PKHD1L1: variants seen among roughly 807,000 people sequenced by gnomAD.
The protein encoded by PKHD1L1 is fibrocystin-L.
A neutral mutation model predicts 462.9 loss-of-function variants in PKHD1L1; 434 were observed. The ratio of observed to expected loss-of-function variants is 0.94; its 90% CI spans 0.87 to 1.02. PKHD1L1 has a LOEUF of 1.02. Ranked by LOEUF, PKHD1L1 falls within the 50% of genes least tolerant of loss-of-function variation. PKHD1L1 has a pLI of 0.00. For synonymous variants in PKHD1L1, 1,781 were observed against 1,750.0 expected, an observed-to-expected ratio of 1.02 and a Z score of -0.44; for missense variants, 5,202 against 5,096.1, an observed-to-expected ratio of 1.02 and a Z score of -0.63.
intron 2 of PKHD1L1, among the ~76,000 whole-genome samples, chr8:109,375,951 G>A (rs535419459): frequency 1.3e-5 from 2 of 152,320 alleles, no homozygotes; most frequent in South Asian, 4.1e-4. Context: ...AGGGGTCATG[G>A]ACCCACTTGA....
At chr8:109,399,926 C>A (rs1001457158) in intron 12 of PKHD1L1, 150 bp from the exon 13 acceptor site, 5 of 760,814 alleles carry the variant, frequency 6.6e-6, no homozygotes, top group African/African-American at 1.8e-5. Context: ...GCTGCAGATA[C>A]GTGTAGGGGA....
rs201007932 is a variant in PKHD1L1 at position 109,422,501 on chromosome 8, A to AT, written c.2697+1818dup. ...AAATACATAGCTTTTGTATACTGGCATTTTTTTAACTCAGCATAATTCCCT... is the reference window on the plus strand; with the variant it reads ...AAATACATAGCTTTTGTATACTGGCATTTTTTTTAACTCAGCATAATTCCCT... On this transcript the variant is annotated intron_variant, in intron 23 of 77. Coordinates refer to ENST00000378402, the MANE Select transcript of PKHD1L1 (RefSeq NM_177531.6). Among the ~76,000 whole-genome samples, 1,406 of 152,218 alleles carry AT rather than the reference A, an allele frequency of 9.2e-3. 10 individuals are homozygous for AT. The highest frequency in any genetic ancestry group is 0.014 in the Non-Finnish European group (944 of 67,994).
intron 61 of PKHD1L1, 22 bp from the exon 62 acceptor site, chr8:109,491,851 C>A: frequency 1.3e-6 from 2 of 1,529,744 alleles, no homozygotes; most frequent in Non-Finnish European, 1.8e-6. Flanking sequence ...GATTTTCTTT[C>A]TTTTTTTCTT....
chr8:109,435,336 G>A lies in PKHD1L1; in HGVS notation c.3487G>A (p.Asp1163Asn), dbSNP rs1229740011. 1 of 1,611,768 alleles carries A rather than the reference G, an allele frequency of 6.2e-7. No individual in the cohort carries two copies. The highest frequency in any genetic ancestry group is 8.5e-7 in the Non-Finnish European group (1 of 1,178,976). The change falls in exon 29 of 78, where the codon GAT becomes AAT. Residue 1163 changes from aspartate (D) to asparagine (N), a missense_variant. This residue lies in a region of PKHD1L1 where 4,497 missense variants were observed against 4,336.8 expected (regional missense o/e 1.04). Transcript: ENST00000378402. ...YQSQISHIWP[D>N]SGSIAGGTLL... ...GAGTCAGATCTCACATATCTGGCCT[G>A]ATTCTGGAAGCATAGCAGGTAATGG...
chr8:109,461,400 C>T (rs1817117703), intron 47 of PKHD1L1, among the ~76,000 whole-genome samples: 1 of 152,146 alleles, frequency 6.6e-6, no homozygotes, highest in African/African-American at 2.4e-5. Context: ...AAGTAAGTGA[C>T]ATAATGCATA....
Position 109,419,247 on chromosome 8 carries a change from C to G in PKHD1L1, c.2511C>G (p.Ile837Met). 6.2e-7 allele frequency: 1 copy of G among 1,602,530 alleles called. No homozygotes were observed. Among genetic ancestry groups the G allele is most frequent in the Non-Finnish European group, 8.5e-7 (1 of 1,173,282 alleles). The stretch of plus-strand genomic sequence containing the variant: ...TGTACATTGGACACACATCTACAAT[C>G]TCAACATTGGATGGTATGTTGTATC... ...DVVYIGHTST[I>M]STLDEMPKRR... The change falls in exon 22 of 78, where the codon ATC (isoleucine) becomes ATG (methionine). Residue 837 changes from isoleucine to methionine, a missense_variant. Ile to Met is a conservative substitution (Grantham distance 10). Transcript: ENST00000378402.
In PKHD1L1 at chr8:109,427,745, G is replaced by A. The variant is rs991188190; in HGVS notation, c.3000+589G>A. Among the ~76,000 whole-genome samples, 14 of 152,136 alleles carry A rather than the reference G, an allele frequency of 9.2e-5. No homozygotes were observed. The East Asian group carries it at 2.7e-3, about 29-fold the overall frequency. ...AAACATTAAAAAGATGATGCTTTCAGCCAGGCACAGTGGCTCATGCCTGTA... is the reference window on the plus strand; with the variant it reads ...AAACATTAAAAAGATGATGCTTTCAACCAGGCACAGTGGCTCATGCCTGTA... On this transcript the variant is annotated intron_variant, in intron 25 of 77. Coordinates refer to ENST00000378402, the MANE Select transcript of PKHD1L1 (RefSeq NM_177531.6).
chr8:109,439,207 C>T, intron 32 of PKHD1L1, 115 bp downstream of exon 32: 1 of 939,954 alleles, frequency 1.1e-6, no homozygotes, highest in East Asian at 2.5e-5. Flanking sequence ...CTTTACCTTC[C>T]TATATCTTCT....
At chr8:109,449,131 G>T (rs1275064589) in intron 39 of PKHD1L1, among the ~76,000 whole-genome samples, 1 of 151,998 alleles carries the variant, frequency 6.6e-6, no homozygotes, top group Non-Finnish European at 1.5e-5. Context: ...TACCAGATAT[G>T]ACATTTACTC....
In PKHD1L1 at chr8:109,409,845, T is replaced by A. The variant is rs1443671430; in HGVS notation, c.1972-20T>A. 1 of 1,400,506 alleles carries A rather than the reference T, an allele frequency of 7.1e-7. No individual in the cohort carries two copies. Among genetic ancestry groups the A allele is most frequent in the Non-Finnish European group, 9.9e-7 (1 of 1,011,230 alleles). 86.8% of individuals were successfully genotyped at this position (1,400,506 alleles called of 1,614,324 possible). On this transcript the variant is annotated intron_variant, in intron 18 of 77. Coordinates refer to ENST00000378402, the MANE Select transcript of PKHD1L1 (RefSeq NM_177531.6). ...ACTTTTCATGAAAAGAAGTTACTAA[T>A]GTTTATATTGTTAATTTAGTTTCAG...
At chr8:109,421,272 T>G (rs1481061553) in intron 23 of PKHD1L1, among the ~76,000 whole-genome samples, 1 of 151,992 alleles carries the variant, frequency 6.6e-6, no homozygotes, top group African/African-American at 2.4e-5. Flanking sequence ...AAGCTCAAGA[T>G]TAAAGATTAA....
chr8:109,435,914 T>C (rs963503581), intron 29 of PKHD1L1, among the ~76,000 whole-genome samples: 1 of 152,252 alleles, frequency 6.6e-6, no homozygotes, highest in Non-Finnish European at 1.5e-5. Flanking sequence ...TTTTAAAGTT[T>C]AGTTTTCCTT....
At chr8:109,415,282 A>G (rs886577217) in intron 21 of PKHD1L1, among the ~76,000 whole-genome samples, 4 of 152,096 alleles carry the variant, frequency 2.6e-5, no homozygotes, top group Non-Finnish European at 5.9e-5. Flanking sequence ...CTGGGATTAC[A>G]GGCATGAGAC....
chr8:109,369,627 AT>A (rs1811397047), intron 2 of PKHD1L1, among the ~76,000 whole-genome samples: 1 of 73,876 alleles, frequency 1.4e-5, no homozygotes, highest in African/African-American at 3.7e-5. Context: ...ATAGGAAAAT[AT>A]ATATATATAT....
At chr8:109,515,347 T>A in intron 72 of PKHD1L1, 42 bp downstream of exon 72, 1 of 1,331,440 alleles carries the variant, frequency 7.5e-7, no homozygotes, top group East Asian at 2.8e-5. Context: ...GAAAATGTAC[T>A]TATTTATAAT....
intron 35 of PKHD1L1, 33 bp downstream of exon 35, chr8:109,442,228 TCAC>T: frequency 6.4e-7 from 1 of 1,558,726 alleles, no homozygotes; most frequent in Non-Finnish European, 8.7e-7. Context: ...TTGCATCATG[TCAC>T]TTTTTCCTAA....
Position 109,450,200 on chromosome 8 carries a change from G to A in PKHD1L1, c.6175+713G>A, listed in dbSNP as rs559205630. On this transcript the variant is annotated intron_variant, in intron 40 of 77. Transcript: ENST00000378402. ...ATTATTAACTCTAATTCAATGGATT[G>A]TTGTGAAGATTAAATATTTGGTACT... 7.9e-5 allele frequency among the ~76,000 whole-genome samples: 12 copies of A among 152,220 alleles called. 1 individual carries two copies. Among genetic ancestry groups the A allele is most frequent in the Middle Eastern group, 3.4e-3 (1 of 294 alleles).
chr8:109,400,253 T>C lies in PKHD1L1; in HGVS notation c.1190T>C (p.Val397Ala). 1 of 1,613,754 alleles carries C rather than the reference T, an allele frequency of 6.2e-7. No homozygotes were observed. Among genetic ancestry groups the C allele is most frequent in the Admixed American group, 1.7e-5 (1 of 59,988 alleles). ...GTTGCACGCTTTAGTGGATTTTTGG[T>C]GGCTCCAGATTCTGATGTTTATAGA... ...TFVARFSGFL[V>A]APDSDVYRFY... Residue 397 changes from valine to alanine, a missense_variant, in exon 13 of 78, where the codon GTG becomes GCG. Transcript: ENST00000378402.
chr8:109,407,174 T>G (rs1813602349), intron 17 of PKHD1L1, among the ~76,000 whole-genome samples: 1 of 152,168 alleles, frequency 6.6e-6, no homozygotes, highest in South Asian at 2.1e-4. Context: ...CTTTGGGCAA[T>G]CATTGTTTTT....
Sources: allele counts gnomAD v4.1 joint callset (sites outside exome capture counted in the v4.1 genomes callset), GRCh38; gene constraint gnomAD v4.1.1; regional missense constraint gnomAD v4.1.1; transcripts MANE v1.5; gene names NCBI Gene and HGNC (gene_info 2026-07-23, HGNC 2026-07-21).